FAM13B: variants seen among roughly 807,000 people sequenced by gnomAD.
The protein encoded by FAM13B is protein FAM13B.
A neutral mutation model predicts 117.3 loss-of-function variants in FAM13B; 60 were observed. The observed-to-expected ratio is 0.51, with a 90% CI of 0.42 to 0.63. The LOEUF is 0.63. Among genes scored for constraint, FAM13B ranks in the 30% least tolerant of loss-of-function variants. The probability of loss-of-function intolerance (pLI) is 0.00; values close to 1 mark genes in which losing one functional copy is unlikely to be tolerated. For missense variants in FAM13B, 972 were observed against 1,091.9 expected, an observed-to-expected ratio of 0.89 and a Z score of 1.55; for synonymous variants, 332 against 356.1, an observed-to-expected ratio of 0.93 and a Z score of 0.76.
At chr5:137,983,579 C>G (rs1776430229) in intron 10 of FAM13B, among the ~76,000 whole-genome samples, 1 of 151,998 alleles carries the variant, frequency 6.6e-6, no homozygotes, top group Non-Finnish European at 1.5e-5. Flanking sequence ...ATGGGAATGA[C>G]TAGGTAGACA....
At chr5:138,017,332 C>T (rs1561534687) in intron 4 of FAM13B, among the ~76,000 whole-genome samples, 2 of 152,180 alleles carry the variant, frequency 1.3e-5, no homozygotes, top group Admixed American at 6.5e-5. Flanking sequence ...TAAACACTTT[C>T]GAAAGAAAAT....
At chr5:138,004,440 A>C (rs1010521985) in intron 7 of FAM13B, among the ~76,000 whole-genome samples, 1 of 152,190 alleles carries the variant, frequency 6.6e-6, no homozygotes, top group Non-Finnish European at 1.5e-5. Context: ...TAATGAATTC[A>C]CTTGTCTAAA....
chr5:137,951,480 G>C lies in FAM13B; in HGVS notation c.1930+1148C>G, dbSNP rs185762691. Reference sequence around the variant, plus strand: ...TGAGACCAATCCAGGCACAAAGCAAGACCCCAACTCTATACAAAATTTTAA... The same window carrying C: ...TGAGACCAATCCAGGCACAAAGCAACACCCCAACTCTATACAAAATTTTAA... On this transcript the variant is annotated intron_variant, in intron 17 of 23. Transcript: ENST00000689681. Among the ~76,000 whole-genome samples the C allele has an allele frequency of 2.5e-3, 378 of 151,980 alleles. 1 individual carries two copies. Among genetic ancestry groups the C allele is most frequent in the Non-Finnish European group, 4.6e-3 (312 of 67,974 alleles).
At chr5:137,980,530 C>T (rs1775412520) in intron 10 of FAM13B, among the ~76,000 whole-genome samples, 2 of 151,610 alleles carry the variant, frequency 1.3e-5, no homozygotes, top group South Asian at 2.1e-4. Context: ...GCAACCTCCA[C>T]CTCCCAGGCT....
intron 18 of FAM13B, among the ~76,000 whole-genome samples, chr5:137,948,133 A>G (rs992253590): frequency 6.6e-5 from 10 of 151,966 alleles, no homozygotes; most frequent in African/African-American, 2.4e-4. Flanking sequence ...TGCTTTGATC[A>G]GGACTGCCCT....
intron 1 of FAM13B, among the ~76,000 whole-genome samples, chr5:138,026,068 G>A (rs1159911779): frequency 6.6e-6 from 1 of 152,146 alleles, no homozygotes; most frequent in Non-Finnish European, 1.5e-5. Context: ...AGCATTTGCT[G>A]AGCTCTTACA....
chr5:137,945,838 A>AT (rs1398988018), intron 20 of FAM13B, 64 bp downstream of exon 20: 76 of 1,216,720 alleles, frequency 6.2e-5, no homozygotes, highest in South Asian at 8.0e-5. Flanking sequence ...CACAATAATA[A>AT]TTTTTTTTGG....
chr5:137,980,440 CTTT>C (rs11309404), intron 10 of FAM13B, among the ~76,000 whole-genome samples: 33 of 84,928 alleles, frequency 3.9e-4, no homozygotes, highest in Admixed American at 5.4e-4. Flanking sequence ...ACACTAATTT[CTTT>C]TTTTTTTTTT....
intron 1 of FAM13B, among the ~76,000 whole-genome samples, chr5:138,042,320 G>A (rs1479639204): frequency 6.6e-6 from 1 of 152,126 alleles, no homozygotes; most frequent in Non-Finnish European, 1.5e-5. Flanking sequence ...TTAGAAGTCA[G>A]AATTGTGGTT....
chr5:138,047,612 A>G (rs1470859258), intron 1 of FAM13B, among the ~76,000 whole-genome samples: 1 of 152,238 alleles, frequency 6.6e-6, no homozygotes, highest in Non-Finnish European at 1.5e-5. Context: ...AAAGTTGCTC[A>G]ACTGACCCAG....
rs1282572415 is a variant in FAM13B at position 138,014,248 on chromosome 5, G to C, written c.371-2303C>G. 3.3e-5 allele frequency among the ~76,000 whole-genome samples: 5 copies of C among 152,192 alleles called. 1 individual carries two copies. The highest frequency in any genetic ancestry group is 3.3e-4 in the Admixed American group (5 of 15,282). On this transcript the variant is annotated intron_variant, in intron 4 of 23. Coordinates refer to ENST00000689681, the MANE Select transcript of FAM13B (RefSeq NM_001385994.1). The stretch of plus-strand genomic sequence containing the variant: ...CCCCACGCCCAGCCATGAGGGCAGA[G>C]ATTTTCATCTAGTTTTTTTCAGTGC...
At chr5:138,032,479 C>T (rs75094846) in intron 1 of FAM13B, among the ~76,000 whole-genome samples, 5,798 of 152,324 alleles carry the variant, frequency 0.038, 136 homozygotes, top group Middle Eastern at 0.058. Flanking sequence ...GGTGTCGCGC[C>T]ATCTACTCTG....
chr5:138,017,611 T>G (rs1301592415), intron 4 of FAM13B, among the ~76,000 whole-genome samples: 1 of 152,202 alleles, frequency 6.6e-6, no homozygotes, highest in Non-Finnish European at 1.5e-5. Flanking sequence ...TACATATACA[T>G]GAATACCATT....
chr5:137,973,076 A>T (rs906683314), intron 10 of FAM13B, among the ~76,000 whole-genome samples: 9 of 152,170 alleles, frequency 5.9e-5, no homozygotes. Context: ...TCAAGCTACC[A>T]ATGACTTTCT....
intron 3 of FAM13B, 96 bp from the exon 4 acceptor site, chr5:138,018,610 T>C (rs1785833462): frequency 5.9e-6 from 7 of 1,177,776 alleles, no homozygotes; most frequent in Non-Finnish European, 8.6e-6. Flanking sequence ...CTCATACTTT[T>C]GGAAAGCCTT....
chr5:138,012,942 G>C (rs1019796738), intron 4 of FAM13B, among the ~76,000 whole-genome samples: 1 of 152,096 alleles, frequency 6.6e-6, no homozygotes, highest in Non-Finnish European at 1.5e-5. Flanking sequence ...GGTGGCTCAT[G>C]CCTGTAATCC....
At chr5:138,004,864 C>T (rs368542065) in intron 7 of FAM13B, among the ~76,000 whole-genome samples, 5 of 151,980 alleles carry the variant, frequency 3.3e-5, no homozygotes, top group South Asian at 2.1e-4. Flanking sequence ...GATGACAGAG[C>T]GAGAGACCCT....
chr5:137,943,696 A>G (rs1247461855), intron 20 of FAM13B, among the ~76,000 whole-genome samples: 3 of 152,164 alleles, frequency 2.0e-5, no homozygotes, highest in African/African-American at 7.2e-5. Flanking sequence ...CAGTGAGCCA[A>G]GTTGTACCAC....
intron 7 of FAM13B, among the ~76,000 whole-genome samples, chr5:137,999,914 C>T (rs1216149571): frequency 6.6e-6 from 1 of 152,076 alleles, no homozygotes; most frequent in East Asian, 1.9e-4. Context: ...TCCCAAAGGC[C>T]CCACTTCCTA....
Sources: allele counts gnomAD v4.1 joint callset (sites outside exome capture counted in the v4.1 genomes callset), GRCh38; gene constraint gnomAD v4.1.1; transcripts MANE v1.5; gene names NCBI Gene and HGNC (gene_info 2026-07-23, HGNC 2026-07-21).